LRRC27: variants seen among roughly 807,000 people sequenced by gnomAD.
LRRC27 encodes the protein leucine-rich repeat-containing protein 27.
Under a neutral mutation model 55.0 loss-of-function variants are expected in LRRC27, and 57 were observed. The ratio of observed to expected loss-of-function variants is 1.04; its 90% CI spans 0.84 to 1.29. LRRC27 has a LOEUF of 1.29. LRRC27 is among the 50% of genes most tolerant of loss of function. LRRC27 has a pLI of 0.00. For missense variants in LRRC27, 721 were observed against 651.5 expected (o/e 1.11, Z -1.16); for synonymous variants, 278 against 251.9 (o/e 1.10, Z -0.98).
At chr10:132,364,814 C>G (rs556851464) in intron 9 of LRRC27, among the ~76,000 whole-genome samples, 1 of 120,576 alleles carries the variant, frequency 8.3e-6, no homozygotes, top group African/African-American at 3.4e-5. Flanking sequence ...ACACTTACAC[C>G]CACCCTTACA....
At chr10:132,335,480 G>A (rs529806545) in intron 2 of LRRC27, among the ~76,000 whole-genome samples, 1 of 151,446 alleles carries the variant, frequency 6.6e-6, no homozygotes, top group South Asian at 2.1e-4. Context: ...TACTATGGGG[G>A]GGGGTCACAG....
chr10:132,346,833 A>G (rs1439867249), intron 5 of LRRC27, among the ~76,000 whole-genome samples: 1 of 152,116 alleles, frequency 6.6e-6, no homozygotes, highest in African/African-American at 2.4e-5. Flanking sequence ...GAATTTTACA[A>G]CTTCTTAGGA....
intron 2 of LRRC27, chr10:132,336,988 C>A: frequency 1.1e-6 from 1 of 873,702 alleles, no homozygotes; most frequent in Non-Finnish European, 1.6e-6. Flanking sequence ...TTTGTCACGA[C>A]TTTACAACGC....
chr10:132,340,107 T>C (rs972434630), intron 3 of LRRC27, among the ~76,000 whole-genome samples: 8 of 152,192 alleles, frequency 5.3e-5, no homozygotes, highest in Admixed American at 1.3e-4. Context: ...AGAGAGAAGA[T>C]GTAGGAAGCA....
At chr10:132,367,360 A>G (rs2069121850) in intron 10 of LRRC27, among the ~76,000 whole-genome samples, 1 of 152,246 alleles carries the variant, frequency 6.6e-6, no homozygotes, top group Non-Finnish European at 1.5e-5. Flanking sequence ...AATCTCTTCC[A>G]GAAGACAGAA....
chr10:132,348,654 C>T lies in LRRC27; in HGVS notation c.926+298C>T, dbSNP rs1194528638. 6.6e-6 allele frequency among the ~76,000 whole-genome samples: 1 copy of T among 152,122 alleles called. No homozygotes were observed. Among genetic ancestry groups the T allele is most frequent in the Non-Finnish European group, 1.5e-5 (1 of 68,036 alleles). The stretch of plus-strand genomic sequence containing the variant: ...TGGCCTGTGCTTTCTCCAGAGAGAG[C>T]TTTGAGGATGTCAGCATTTAAAGGA... On this transcript the variant is annotated intron_variant, in intron 6 of 10. Transcript: ENST00000368614. The surrounding 1 kb of genome is among the most constrained non-coding windows in gnomAD (Gnocchi z 4.2).
chr10:132,353,285 CTGGT>C, intron 7 of LRRC27: 1 of 1,216,074 alleles, frequency 8.2e-7, no homozygotes, highest in South Asian at 1.7e-5. Flanking sequence ...CTCTCCTTCC[CTGGT>C]CTGTCCTGTG....
In LRRC27 at chr10:132,372,507, G is replaced by A. The variant is rs2069242377; in HGVS notation, c.1417-2559G>A. Among the ~76,000 whole-genome samples the A allele has an allele frequency of 9.2e-5, 14 of 152,232 alleles. No individual in the cohort carries two copies. The highest frequency in any genetic ancestry group is 9.2e-4 in the Admixed American group (14 of 15,292). On this transcript the variant is annotated intron_variant, in intron 10 of 10. Coordinates refer to ENST00000368614, the MANE Select transcript of LRRC27 (RefSeq NM_030626.3). The surrounding 1 kb of genome is among the most constrained non-coding windows in gnomAD (Gnocchi z 4.0). ...CGCTTGAACCCAGGAGGCAGAGGTT[G>A]CAGTGAGCTGAGATGGCACCATCGC...
At chr10:132,337,799 A>G in intron 3 of LRRC27, 104 bp downstream of exon 3, 2 of 1,338,408 alleles carry the variant, frequency 1.5e-6, no homozygotes, top group Non-Finnish European at 2.1e-6. Context: ...TTTACCTCGG[A>G]ATAGAAACAT....
chr10:132,367,083 A>G, intron 10 of LRRC27: 8 of 845,732 alleles, frequency 9.5e-6, no homozygotes, highest in Non-Finnish European at 1.2e-5. Flanking sequence ...GTCTTAACCC[A>G]TCACTTCACA....
At chr10:132,371,788 G>A (rs927250790) in intron 10 of LRRC27, among the ~76,000 whole-genome samples, 6 of 152,202 alleles carry the variant, frequency 3.9e-5, no homozygotes, top group Non-Finnish European at 7.3e-5. Context: ...CATGATGGCC[G>A]GAGCAGGGGC....
rs760713449 is a variant in LRRC27, at chr10:132,344,613, A to G, written c.516A>G (p.Ala172=). 6.2e-7 allele frequency: 1 copy of G among 1,614,154 alleles called. No homozygotes were observed. Among genetic ancestry groups the G allele is most frequent in the Admixed American group, 1.7e-5 (1 of 60,026 alleles). The change falls in exon 5 of 11, where the codon GCA becomes GCG. Residue 172 remains alanine (A), a synonymous_variant. Coordinates refer to ENST00000368614, the MANE Select transcript of LRRC27 (RefSeq NM_030626.3). ...VAIQRFLRMW[A]VEHSLPRNPT... is the part of the protein sequence containing the mutation. ...TCCAGCGCTTCCTGCGGATGTGGGC[A>G]GTAGAACACTCTCTCCCCAGAAATC... is the stretch of plus-strand genomic sequence containing the variant.
At chr10:132,370,233 A>G (rs1444282301) in intron 10 of LRRC27, among the ~76,000 whole-genome samples, 1 of 152,164 alleles carries the variant, frequency 6.6e-6, no homozygotes, top group African/African-American at 2.4e-5. Context: ...AAAAAAATTC[A>G]TGTGAAGTTC....
chr10:132,330,245 C>T (rs977942355), upstream of LRRC27: 16 of 559,160 alleles, frequency 2.9e-5, no homozygotes, highest in Admixed American at 9.1e-5. Flanking sequence ...AAATGTGAAA[C>T]AAAAACCTGA....
At chr10:132,344,298 C>T (rs2067565720) in intron 4 of LRRC27, among the ~76,000 whole-genome samples, 200 bp from the exon 5 acceptor site, 1 of 152,126 alleles carries the variant, frequency 6.6e-6, no homozygotes, top group South Asian at 2.1e-4. Flanking sequence ...TTTTGGAAAC[C>T]ATCCTGGTCT....
rs368228834 is a variant in LRRC27, at chr10:132,363,509, C to T, written c.1290-1915C>T. On this transcript the variant is annotated intron_variant, in intron 9 of 10. Coordinates refer to ENST00000368614, the MANE Select transcript of LRRC27 (RefSeq NM_030626.3). Reference sequence around the variant, plus strand: ...CGACTCTTCAGCTGGGCCCCTCCCTCGCACCTCCCAGGCGTCCTGGGAAGC... The same window carrying T: ...CGACTCTTCAGCTGGGCCCCTCCCTTGCACCTCCCAGGCGTCCTGGGAAGC... Among the ~76,000 whole-genome samples, 50 of 152,308 alleles carry T rather than the reference C, an allele frequency of 3.3e-4. 1 individual carries two copies. Among genetic ancestry groups the T allele is most frequent in the Admixed American group, 1.0e-3 (16 of 15,306 alleles).
intron 2 of LRRC27, 92 bp from the exon 3 acceptor site, chr10:132,337,473 T>C (rs2067191514): frequency 6.5e-7 from 1 of 1,541,456 alleles, no homozygotes; most frequent in Non-Finnish European, 8.8e-7. Context: ...TTCTGGTTGT[T>C]AGTAGTTCTT....
chr10:132,373,984 A>G (rs2069280883), intron 10 of LRRC27, among the ~76,000 whole-genome samples: 1 of 152,206 alleles, frequency 6.6e-6, no homozygotes, highest in Non-Finnish European at 1.5e-5. Flanking sequence ...AACAAGTAAC[A>G]TTGACCAAGT....
chr10:132,331,937 C>T (rs1270386501), upstream of LRRC27: 3 of 591,164 alleles, frequency 5.1e-6, no homozygotes, highest in South Asian at 2.5e-5. Flanking sequence ...GCAAGCGCAA[C>T]CCCCCGCCCC....
Sources: gnomAD v4.1 joint callset for allele counts (sites outside exome capture counted in the v4.1 genomes callset) on GRCh38, gnomAD v4.1.1 for gene constraint, Gnocchi (gnomAD v3.1) non-coding constraint, MANE v1.5 for transcripts, NCBI Gene and HGNC (gene_info 2026-07-23, HGNC 2026-07-21) for gene names.